AP3B1: variants seen among roughly 807,000 people sequenced by gnomAD.
AP3B1 encodes the protein AP-3 complex subunit beta-1.
A neutral mutation model predicts 132.5 loss-of-function variants in AP3B1; 61 were observed. That is an observed-to-expected ratio of 0.46 (90% CI 0.37 to 0.57). The LOEUF (loss-of-function observed/expected upper bound fraction) is 0.57, where lower values mean the gene tolerates loss of function less well. Among genes scored for constraint, AP3B1 ranks in the 20% least tolerant of loss-of-function variants. The pLI, the probability that AP3B1 is intolerant of heterozygous loss-of-function variation, is 0.00. For synonymous variants in AP3B1, 388 were observed against 438.3 expected, an observed-to-expected ratio of 0.89 and a Z score of 1.43; for missense variants, 1,120 against 1,289.4, an observed-to-expected ratio of 0.87 and a Z score of 2.01.
Position 78,017,849 on chromosome 5 carries a change from A to C in AP3B1, c.2993-2301T>G, listed in dbSNP as rs143175000. On this transcript the variant is annotated intron_variant, in intron 25 of 26. Transcript: ENST00000255194. ...CTAAATAATTTGTGGCTTTATTAGA[A>C]TCTATCTAAATTTTGGTGAAGGCAG... Among the ~76,000 whole-genome samples the C allele has an allele frequency of 2.5e-3, 380 of 152,158 alleles. 1 individual carries two copies. The highest frequency in any genetic ancestry group is 8.5e-3 in the African/African-American group (355 of 41,564).
chr5:78,096,201 C>G (rs1208924830), intron 21 of AP3B1, among the ~76,000 whole-genome samples: 1 of 152,186 alleles, frequency 6.6e-6, no homozygotes, highest in Non-Finnish European at 1.5e-5. Context: ...TTGGTGGAGA[C>G]GGGGTTTCGC....
At chr5:78,116,264 G>A in intron 17 of AP3B1, 30 bp from the exon 18 acceptor site, 1 of 1,551,666 alleles carries the variant, frequency 6.4e-7, no homozygotes, top group Non-Finnish European at 8.9e-7. Flanking sequence ...AAATATAAAT[G>A]AATTCTCATT....
At chr5:78,253,728 A>G (rs539275769) in intron 2 of AP3B1, among the ~76,000 whole-genome samples, 134 of 152,278 alleles carry the variant, frequency 8.8e-4, no homozygotes, top group Admixed American at 3.0e-3. Flanking sequence ...GCACTTTGGG[A>G]GGCTGAGGTA....
At chr5:78,140,842 T>C (rs1430330498) in intron 15 of AP3B1, among the ~76,000 whole-genome samples, 1 of 152,226 alleles carries the variant, frequency 6.6e-6, no homozygotes, top group Non-Finnish European at 1.5e-5. Flanking sequence ...TTTCATCCTT[T>C]ATAAAATTTT....
At chr5:78,051,940 G>T (rs1748600506) in intron 22 of AP3B1, among the ~76,000 whole-genome samples, 1 of 152,082 alleles carries the variant, frequency 6.6e-6, no homozygotes, top group Admixed American at 6.6e-5. Flanking sequence ...CCTATAAACT[G>T]TAGAAAGTGG....
chr5:78,166,121 A>T (rs1207438775), intron 11 of AP3B1, among the ~76,000 whole-genome samples: 60 of 316 alleles, frequency 0.19, no homozygotes, highest in African/African-American at 0.29. Context: ...ACTCTGTCAC[A>T]CACACACACA....
chr5:78,069,892 C>T (rs1240514530), intron 22 of AP3B1, among the ~76,000 whole-genome samples: 1 of 152,066 alleles, frequency 6.6e-6, no homozygotes, highest in African/African-American at 2.4e-5. Context: ...GGTACTGGTA[C>T]AAAAACAGAC....
At chr5:78,148,730 T>C (rs1428879718) in intron 14 of AP3B1, among the ~76,000 whole-genome samples, 2 of 152,202 alleles carry the variant, frequency 1.3e-5, no homozygotes, top group African/African-American at 2.4e-5. Context: ...TTTGCCATTG[T>C]GGTAAAAACC....
At chr5:78,221,774 TA>T (rs199981655) in intron 6 of AP3B1, among the ~76,000 whole-genome samples, 7 of 150,436 alleles carry the variant, frequency 4.7e-5, no homozygotes, top group Non-Finnish European at 5.9e-5. Flanking sequence ...ATTATAATCT[TA>T]AAAAAAAACA....
At chr5:78,127,330 A>G (rs1752504146) in intron 17 of AP3B1, among the ~76,000 whole-genome samples, 1 of 152,178 alleles carries the variant, frequency 6.6e-6, no homozygotes, top group Non-Finnish European at 1.5e-5. Context: ...TTAAAGTATT[A>G]AATATATTTT....
Position 78,019,680 on chromosome 5 carries a change from T to C in AP3B1, c.2992+1012A>G, listed in dbSNP as rs546662678. Among the ~76,000 whole-genome samples the C allele has an allele frequency of 5.9e-5, 9 of 152,210 alleles. No homozygotes were observed. In the South Asian group the frequency reaches 1.9e-3, roughly 32 times the overall value. On this transcript the variant is annotated intron_variant, in intron 25 of 26. Coordinates refer to ENST00000255194, the MANE Select transcript of AP3B1 (RefSeq NM_003664.5). ...TTGCTTAAATAATGCCCAGCAAAAA[T>C]ATTACTATTAATTTATGGACTTGTA...
chr5:78,046,448 CA>C (rs1157856263), intron 22 of AP3B1, among the ~76,000 whole-genome samples: 1 of 152,186 alleles, frequency 6.6e-6, no homozygotes. Context: ...CTGTCTTCCA[CA>C]AAACGGGTCC....
At chr5:78,069,973 C>G (rs891200609) in intron 22 of AP3B1, among the ~76,000 whole-genome samples, 1 of 152,120 alleles carries the variant, frequency 6.6e-6, no homozygotes, top group Admixed American at 6.5e-5. Flanking sequence ...TGATCTTTGA[C>G]AAAACGGACA....
chr5:78,126,592 A>G (rs950679616), intron 17 of AP3B1, among the ~76,000 whole-genome samples: 13 of 151,982 alleles, frequency 8.6e-5, no homozygotes, highest in African/African-American at 3.1e-4. Context: ...TTTGAGTAAA[A>G]ATCAACAAAC....
chr5:78,066,496 C>A (rs1195132561), intron 22 of AP3B1, among the ~76,000 whole-genome samples: 1 of 152,166 alleles, frequency 6.6e-6, no homozygotes, highest in Admixed American at 6.5e-5. Context: ...CTGAAAAACA[C>A]AACATGAGAA....
intron 3 of AP3B1, among the ~76,000 whole-genome samples, chr5:78,237,645 TA>T (rs1746935449): frequency 6.6e-6 from 1 of 151,978 alleles, no homozygotes; most frequent in Non-Finnish European, 1.5e-5. Flanking sequence ...CCGGCTCTAC[TA>T]AAAATACGAA....
chr5:78,024,037 C>T (rs923544534), intron 24 of AP3B1, among the ~76,000 whole-genome samples: 2 of 152,092 alleles, frequency 1.3e-5, no homozygotes, highest in African/African-American at 4.8e-5. Flanking sequence ...ATGAGGTGAG[C>T]GGGTTAGCTC....
At chr5:78,209,281 A>G (rs1197149025) in intron 7 of AP3B1, among the ~76,000 whole-genome samples, 1 of 152,192 alleles carries the variant, frequency 6.6e-6, no homozygotes, top group Non-Finnish European at 1.5e-5. Flanking sequence ...GCCAACCAGC[A>G]TTAACATCAA....
intron 7 of AP3B1, among the ~76,000 whole-genome samples, chr5:78,191,263 AAAAC>A: frequency 6.6e-6 from 1 of 151,886 alleles, no homozygotes; most frequent in Non-Finnish European, 1.5e-5. Context: ...GAGGGCTAAA[AAAAC>A]AGTGATGAAT....
Sources: allele counts gnomAD v4.1 joint callset (sites outside exome capture counted in the v4.1 genomes callset), GRCh38; gene constraint gnomAD v4.1.1; transcripts MANE v1.5; gene names NCBI Gene and HGNC (gene_info 2026-07-23, HGNC 2026-07-21).